CRYBA1: variants seen among roughly 807,000 people sequenced by gnomAD.
CRYBA1 encodes the protein crystallin beta A1.
CRYBA1 carries 25 observed loss-of-function variants against 36.2 expected under a neutral mutation model. The ratio of observed to expected loss-of-function variants is 0.69; its 90% CI spans 0.50 to 0.97. CRYBA1 has a LOEUF of 0.97. CRYBA1 is among the 50% of genes least tolerant of loss of function. The probability of loss-of-function intolerance (pLI) is 0.00; values close to 1 mark genes in which losing one functional copy is unlikely to be tolerated. For missense variants in CRYBA1, 224 were observed against 276.3 expected (o/e 0.81, Z 1.34); for synonymous variants, 111 against 90.0 (o/e 1.23, Z -1.32).
At chr17:29,251,494 A>T (rs1017302891) in intron 3 of CRYBA1, among the ~76,000 whole-genome samples, 1 of 151,976 alleles carries the variant, frequency 6.6e-6, no homozygotes, top group African/African-American at 2.4e-5. Context: ...AAAGAAAAAA[A>T]AATTTTTTTT....
chr17:29,250,897 T>C (rs893887564), intron 3 of CRYBA1, among the ~76,000 whole-genome samples: 1 of 152,194 alleles, frequency 6.6e-6, no homozygotes, highest in Non-Finnish European at 1.5e-5. Context: ...CCTTTATCAT[T>C]AGCCTGAAAA....
At chr17:29,253,030 G>A (rs1441045657) in intron 4 of CRYBA1, among the ~76,000 whole-genome samples, 1 of 152,164 alleles carries the variant, frequency 6.6e-6, no homozygotes, top group African/African-American at 2.4e-5. Flanking sequence ...GACCCTAAGT[G>A]AATATTCTCA....
At position 29,248,739 on chromosome 17, in the gene CRYBA1, G is replaced by A. The variant is rs183421599; in HGVS notation, c.32-403G>A. On this transcript the variant is annotated intron_variant, in intron 1 of 5. Coordinates refer to ENST00000225387, the MANE Select transcript of CRYBA1 (RefSeq NM_005208.5). ...AAAAACTGAGGCTCAGGCTGGGCGC[G>A]GTGGATCACTTGAGGTCAGGAGTTT... 9.2e-5 allele frequency among the ~76,000 whole-genome samples: 14 copies of A among 152,014 alleles called. No individual in the cohort carries two copies. In the East Asian group the frequency reaches 1.8e-3, roughly 19 times the overall value.
chr17:29,247,009 G>T, intron 1 of CRYBA1, 115 bp downstream of exon 1: 1 of 1,159,416 alleles, frequency 8.6e-7, no homozygotes, highest in Non-Finnish European at 1.3e-6. Context: ...GGTGGCTGGA[G>T]AAGAGTGGGG....
intron 3 of CRYBA1, among the ~76,000 whole-genome samples, chr17:29,251,485 A>G (rs987538269): frequency 4.6e-5 from 7 of 152,090 alleles, no homozygotes; most frequent in African/African-American, 1.7e-4. Context: ...TTTGGAGAAA[A>G]AGAAAAAAAA....
Position 29,253,792 on chromosome 17 carries a change from A to G in CRYBA1, c.500+10A>G, listed in dbSNP as rs1274466557. ...AGATACAAAGTGGGGCGTAAGTACAAAAACAGGGTTGGAATATACTTCAAA... is the reference window on the plus strand; with the variant it reads ...AGATACAAAGTGGGGCGTAAGTACAGAAACAGGGTTGGAATATACTTCAAA... On this transcript the variant is annotated intron_variant, in intron 5 of 5. Coordinates refer to ENST00000225387, the MANE Select transcript of CRYBA1 (RefSeq NM_005208.5). 6.2e-7 allele frequency: 1 copy of G among 1,614,204 alleles called. No homozygotes were observed. The highest frequency in any genetic ancestry group is 8.5e-7 in the Non-Finnish European group (1 of 1,180,026).
chr17:29,251,535 C>T (rs1157302143), intron 3 of CRYBA1, among the ~76,000 whole-genome samples: 4 of 151,948 alleles, frequency 2.6e-5, no homozygotes, highest in Non-Finnish European at 5.9e-5. Flanking sequence ...CTCTGTTGCC[C>T]AGGCTGGAGT....
chr17:29,252,026 T>C lies in CRYBA1; in HGVS notation c.216-38T>C, dbSNP rs573942340. The C allele has an allele frequency of 1.5e-5, 25 of 1,614,120 alleles. 1 individual carries two copies. Among genetic ancestry groups the C allele is most frequent in the Middle Eastern group, 3.3e-4 (2 of 6,060 alleles). On this transcript the variant is annotated intron_variant, in intron 3 of 5. Transcript: ENST00000225387. ...GCCTTCTCCCCAAGGCCATATAGGC[T>C]TTGAACACCATGAACAAACACTACA...
intron 1 of CRYBA1, among the ~76,000 whole-genome samples, chr17:29,248,689 C>G (rs910553335): frequency 5.9e-5 from 9 of 152,060 alleles, no homozygotes; most frequent in South Asian, 4.2e-4. Context: ...CTTACAATAA[C>G]TGCATGTCGA....
chr17:29,254,387 T>A lies in CRYBA1; in HGVS notation c.*38T>A, dbSNP rs1445180370. The A allele has an allele frequency of 6.2e-7, 1 of 1,609,268 alleles. No individual in the cohort carries two copies. Among genetic ancestry groups the A allele is most frequent in the East Asian group, 2.2e-5 (1 of 44,856 alleles). ...TCCAAGTACGATAATTCCTCAAGCA[T>A]GAGACCTTGCTAAGCACTCTAGAAT... On this transcript the variant is annotated 3_prime_UTR_variant, in exon 6 of 6. Transcript: ENST00000225387.
chr17:29,247,594 C>T (rs1375586484), intron 1 of CRYBA1, among the ~76,000 whole-genome samples: 1 of 152,114 alleles, frequency 6.6e-6, no homozygotes, highest in Non-Finnish European at 1.5e-5. Flanking sequence ...TTTCAATGTC[C>T]CCCTGATCCC....
chr17:29,253,388 T>C (rs920171198), intron 4 of CRYBA1, among the ~76,000 whole-genome samples: 3 of 152,264 alleles, frequency 2.0e-5, no homozygotes, highest in African/African-American at 7.2e-5. Flanking sequence ...TTAGTACTTT[T>C]TCTCACTGTC....
chr17:29,252,477 A>C (rs1379499225), intron 4 of CRYBA1, among the ~76,000 whole-genome samples: 1 of 152,220 alleles, frequency 6.6e-6, no homozygotes, highest in Non-Finnish European at 1.5e-5. Context: ...ACACTAGTAA[A>C]TGAGTGAAAG....
intron 1 of CRYBA1, among the ~76,000 whole-genome samples, chr17:29,248,655 G>A (rs2068916389): frequency 6.6e-6 from 1 of 151,200 alleles, no homozygotes; most frequent in South Asian, 2.1e-4. Flanking sequence ...GTGAACCACC[G>A]TGCCCGGCCT....
chr17:29,252,327 T>A, intron 4 of CRYBA1, 122 bp downstream of exon 4: 9 of 1,366,666 alleles, frequency 6.6e-6, no homozygotes, highest in Admixed American at 4.1e-5. Flanking sequence ...AAGACAAAAG[T>A]AAAAAAAGAG....
In CRYBA1 at chr17:29,249,178, C is replaced by A. The variant is rs1244553305; in HGVS notation, c.68C>A (p.Pro23His). 6.2e-7 allele frequency: 1 copy of A among 1,613,304 alleles called. No homozygotes were observed. The highest frequency in any genetic ancestry group is 8.5e-7 in the Non-Finnish European group (1 of 1,179,268). ...LPTTKMAQTN[P>H]TPGSLGPWKI... ...ACCACCAAGATGGCTCAGACCAACC[C>A]TACGCCGGGGTCCCTGGGGCCATGG... The change falls in exon 2 of 6, where the codon CCT (proline) becomes CAT (histidine). Residue 23 changes from proline (P) to histidine (H), a missense_variant. By Grantham distance (77) the Pro-to-His change is moderately conservative. Coordinates refer to ENST00000225387, the MANE Select transcript of CRYBA1 (RefSeq NM_005208.5).
At chr17:29,248,076 AT>A (rs769273483) in intron 1 of CRYBA1, among the ~76,000 whole-genome samples, 10 of 151,720 alleles carry the variant, frequency 6.6e-5, no homozygotes, top group Non-Finnish European at 1.5e-4. Flanking sequence ...AGATTGCGCC[AT>A]TGCACTCCAG....
At position 29,249,213 on chromosome 17, in the gene CRYBA1, C is replaced by T. The variant is rs1222640674; in HGVS notation, c.96+7C>T. ...GTCCCTGGGGCCATGGAAGGTAAGC[C>T]CACCCCCATCACATCCAACAGGGCA... On this transcript the variant is annotated splice_region_variant and intron_variant, in intron 2 of 5. Coordinates refer to ENST00000225387, the MANE Select transcript of CRYBA1 (RefSeq NM_005208.5). 3 of 1,593,504 alleles carry T rather than the reference C, an allele frequency of 1.9e-6. No individual in the cohort carries two copies. The highest frequency in any genetic ancestry group is 4.5e-5 in the East Asian group (2 of 44,792).
At chr17:29,253,588 T>C (rs907485535) in intron 4 of CRYBA1, 52 bp from the exon 5 acceptor site, 43 of 1,441,082 alleles carry the variant, frequency 3.0e-5, no homozygotes, top group Non-Finnish European at 3.9e-5. Context: ...ACATGAAGAA[T>C]GATAGCCATA....
Sources: gnomAD v4.1 joint callset for allele counts (sites outside exome capture counted in the v4.1 genomes callset) on GRCh38, gnomAD v4.1.1 for gene constraint, MANE v1.5 for transcripts, NCBI Gene and HGNC (gene_info 2026-07-23, HGNC 2026-07-21) for gene names.